Variants in FANCL observed in about 807,000 individuals in gnomAD.
FANCL encodes FA complementation group L.
FANCL carries 69 observed loss-of-function variants against 59.4 expected under a neutral mutation model. The observed-to-expected ratio is 1.16, with a 90% CI of 0.96 to 1.42. The LOEUF is 1.42. Among genes scored for constraint, FANCL ranks in the 40% most tolerant of loss-of-function variants. FANCL has a pLI of 0.00. For missense variants in FANCL, 519 were observed against 447.2 expected, an observed-to-expected ratio of 1.16 and a Z score of -1.45; for synonymous variants, 180 against 147.1, an observed-to-expected ratio of 1.22 and a Z score of -1.62.
chr2:58,215,156 T>C (rs1446578643), intron 5 of FANCL, among the ~76,000 whole-genome samples: 2 of 152,204 alleles, frequency 1.3e-5, no homozygotes, highest in African/African-American at 2.4e-5. Context: ...CATCAATCTA[T>C]ACCTAAAGAA....
intron 12 of FANCL, 71 bp from the exon 13 acceptor site, chr2:58,160,250 C>G: frequency 6.7e-7 from 1 of 1,481,950 alleles, no homozygotes. Flanking sequence ...AATGTCATTC[C>G]CTTTGTTTTT....
At chr2:58,193,828 GA>G (rs35598830) in intron 7 of FANCL, among the ~76,000 whole-genome samples, 6 of 152,012 alleles carry the variant, frequency 3.9e-5, no homozygotes, top group Non-Finnish European at 8.8e-5. Flanking sequence ...TCCATGAAAA[GA>G]AAAAAGGTTC....
intron 7 of FANCL, among the ~76,000 whole-genome samples, chr2:58,176,086 C>T (rs1287053746): frequency 6.6e-6 from 1 of 151,304 alleles, no homozygotes; most frequent in Non-Finnish European, 1.5e-5. Flanking sequence ...TGTGAAGGAC[C>T]TCTTCAAGGA....
chr2:58,241,210 G>C lies in FANCL; in HGVS notation c.96+8C>G, dbSNP rs773655702. On this transcript the variant is annotated splice_region_variant and intron_variant, in intron 1 of 13. Transcript: ENST00000233741. ...CTCTTAGCTAGAAAGCAACCACTGGGCGGGTACCTGAGCCGAGATGAATCC... is the reference window on the plus strand; with the variant it reads ...CTCTTAGCTAGAAAGCAACCACTGGCCGGGTACCTGAGCCGAGATGAATCC... The C allele has an allele frequency of 8.1e-6, 13 of 1,614,110 alleles. No individual in the cohort carries two copies. In the South Asian group the frequency reaches 1.4e-4, roughly 18 times the overall value.
intron 6 of FANCL, among the ~76,000 whole-genome samples, chr2:58,202,531 C>CT (rs2105133600): frequency 6.7e-6 from 1 of 148,320 alleles, no homozygotes; most frequent in African/African-American, 2.5e-5. Flanking sequence ...TTTTTTTTTT[C>CT]TTTTTTTGCC....
chr2:58,184,921 T>A (rs970926066), intron 7 of FANCL, among the ~76,000 whole-genome samples: 1 of 152,028 alleles, frequency 6.6e-6, no homozygotes, highest in Non-Finnish European at 1.5e-5. Flanking sequence ...CCACAAAAGG[T>A]TTGCAGCAAA....
At chr2:58,170,145 G>C (rs1045981718) in intron 7 of FANCL, among the ~76,000 whole-genome samples, 2 of 152,102 alleles carry the variant, frequency 1.3e-5, no homozygotes, top group Non-Finnish European at 2.9e-5. Flanking sequence ...ACAAAGGTTG[G>C]GTTACCCACA....
intron 5 of FANCL, among the ~76,000 whole-genome samples, chr2:58,217,183 TA>T (rs1558806497): frequency 4.2e-4 from 2 of 4,812 alleles, no homozygotes; most frequent in Non-Finnish European, 7.0e-4. Flanking sequence ...TATATATATA[TA>T]TATATATATA....
At chr2:58,190,313 G>A (rs1688802046) in intron 7 of FANCL, among the ~76,000 whole-genome samples, 1 of 151,934 alleles carries the variant, frequency 6.6e-6, no homozygotes, top group African/African-American at 2.4e-5. Flanking sequence ...AGGACCAAAT[G>A]AAACATAGTC....
rs145069504 is a variant in FANCL, at chr2:58,208,191, C to G, written c.375-3965G>C. ...AGGAAACAATCATCATTGGAAAGCT[C>G]AAATTTTTAAATAAAATGCTAGCAA... On this transcript the variant is annotated intron_variant, in intron 5 of 13. Transcript: ENST00000233741. Among the ~76,000 whole-genome samples the G allele has an allele frequency of 2.8e-4, 42 of 152,034 alleles. No homozygotes were observed. In the East Asian group the frequency reaches 6.6e-3, roughly 24 times the overall value.
At chr2:58,159,919 A>G (rs1684852440) in intron 13 of FANCL, 119 bp from the exon 14 acceptor site, 2 of 1,539,728 alleles carry the variant, frequency 1.3e-6, no homozygotes, top group African/African-American at 2.8e-5. Context: ...ACACTTCTGA[A>G]GTTTCAGATC....
At position 58,159,279 on chromosome 2, in the gene FANCL, C is replaced by A; in HGVS notation, c.*486G>T. 1 of 1,209,426 alleles carries A rather than the reference C, an allele frequency of 8.3e-7. No individual in the cohort carries two copies. Among genetic ancestry groups the A allele is most frequent in the Non-Finnish European group, 1.2e-6 (1 of 857,684 alleles). 74.9% of individuals were successfully genotyped at this position (1,209,426 alleles called of 1,614,324 possible). A position where few individuals can be genotyped will look rare whatever the true frequency, so the allele number is the denominator to read the frequency against. ...TAACATTTTATTTAGCATTCTTACA[C>A]ACTACACAAAATAAATACTTGGATA... is the stretch of plus-strand genomic sequence containing the variant. On this transcript the variant is annotated 3_prime_UTR_variant, in exon 14 of 14. Transcript: ENST00000233741.
chr2:58,204,311 T>C lies in FANCL; in HGVS notation c.375-85A>G, dbSNP rs62140045. ...GAGATGGTTGAATTTGAAATGAAAA[T>C]ATTTGCTATATTCCTATTAATCCAT... On this transcript the variant is annotated intron_variant, in intron 5 of 13. Transcript: ENST00000233741. 0.039 allele frequency: 37,930 copies of C among 971,306 alleles called. 1,025 individuals carry two copies. Among genetic ancestry groups the C allele is most frequent in the African/African-American group, 0.099 (6,235 of 62,864 alleles). The allele number at this position is 971,306 out of a possible 1,614,324, so 60.2% of individuals were successfully genotyped here.
chr2:58,189,909 T>C (rs1688758468), intron 7 of FANCL, among the ~76,000 whole-genome samples: 1 of 152,090 alleles, frequency 6.6e-6, no homozygotes, highest in African/African-American at 2.4e-5. Context: ...TACTTGCAGA[T>C]AAATCCCCTA....
At chr2:58,179,629 A>T (rs1181901277) in intron 7 of FANCL, among the ~76,000 whole-genome samples, 7 of 152,214 alleles carry the variant, frequency 4.6e-5, no homozygotes, top group Non-Finnish European at 8.8e-5. Flanking sequence ...AACCATAAAA[A>T]CCCTAGAAGA....
In FANCL at chr2:58,187,408, C is replaced by G. The variant is rs184168789; in HGVS notation, c.540+11186G>C. On this transcript the variant is annotated intron_variant, in intron 7 of 13. Transcript: ENST00000233741. ...GGGCAAGGAACATCACACACTGGGGCCTGTCGTGGGGTGGGGGGGATGGGG... is the reference window on the plus strand; with the variant it reads ...GGGCAAGGAACATCACACACTGGGGGCTGTCGTGGGGTGGGGGGGATGGGG... 3.5e-3 allele frequency among the ~76,000 whole-genome samples: 320 copies of G among 91,044 alleles called. 2 individuals are homozygous for G. The highest frequency in any genetic ancestry group is 0.014 in the African/African-American group (312 of 22,764). The allele number at this position is 91,044 out of a possible 152,430, so 59.7% of individuals were successfully genotyped here.
At position 58,163,506 on chromosome 2, in the gene FANCL, A is replaced by C. The variant is rs1383696633; in HGVS notation, c.703T>G (p.Ser235Ala). 5.6e-6 allele frequency: 9 copies of C among 1,593,826 alleles called. No individual in the cohort carries two copies. The highest frequency in any genetic ancestry group is 1.3e-5 in the African/African-American group (1 of 74,580). The change falls in exon 9 of 14, where the codon TCC (serine) becomes GCC (alanine). Residue 235 changes from serine to alanine, a missense_variant. Transcript: ENST00000233741. ...ARRIALGNNV[S>A]INIEVDPRHP... ...CTGGGGTCTACCTCTATATTTATGG[A>C]AACATTATTACCTAGAATGAAACAA...
At chr2:58,179,943 T>G (rs755868073) in intron 7 of FANCL, among the ~76,000 whole-genome samples, 65 of 152,154 alleles carry the variant, frequency 4.3e-4, no homozygotes, top group Admixed American at 3.3e-4. Context: ...AAAGAACACA[T>G]TTATGCGGCC....
intron 7 of FANCL, among the ~76,000 whole-genome samples, chr2:58,169,654 G>A (rs1250102525): frequency 1.3e-5 from 2 of 151,744 alleles, no homozygotes; most frequent in African/African-American, 4.8e-5. Context: ...TAAGAACCTT[G>A]AAAAAAAGTT....
Sources: gnomAD v4.1 joint callset for allele counts (sites outside exome capture counted in the v4.1 genomes callset) on GRCh38, gnomAD v4.1.1 for gene constraint, MANE v1.5 for transcripts, NCBI Gene and HGNC (gene_info 2026-07-23, HGNC 2026-07-21) for gene names.